The following ATAD1 variants were observed in gnomAD, a reference collection of about 807,000 sequenced individuals.
The protein encoded by ATAD1 is ATPase family AAA domain containing 1.
ATAD1 carries 18 observed loss-of-function variants against 42.7 expected under a neutral mutation model. The observed-to-expected ratio is 0.42, with a 90% CI of 0.29 to 0.63. The LOEUF (loss-of-function observed/expected upper bound fraction) is 0.63. ATAD1 is among the 20% of genes least tolerant of loss of function. The pLI is 0.19. For synonymous variants in ATAD1, 132 were observed against 143.1 expected, an observed-to-expected ratio of 0.92 and a Z score of 0.55; for missense variants, 294 against 440.4, an observed-to-expected ratio of 0.67 and a Z score of 2.98.
chr10:87,817,964 A>T (rs558299249), intron 1 of ATAD1: 2 of 985,586 alleles, frequency 2.0e-6, no homozygotes, highest in Non-Finnish European at 2.4e-6. Flanking sequence ...CCGGACGCCA[A>T]GGCGAGGCCC....
chr10:87,759,394 G>C (rs1196088602), intron 8 of ATAD1, among the ~76,000 whole-genome samples: 1 of 151,942 alleles, frequency 6.6e-6, no homozygotes, highest in Non-Finnish European at 1.5e-5. Context: ...TATTAAAATT[G>C]CCTGTTAAAT....
intron 2 of ATAD1, among the ~76,000 whole-genome samples, chr10:87,810,177 T>A (rs763143565): frequency 2.0e-5 from 3 of 152,160 alleles, no homozygotes; most frequent in Non-Finnish European, 4.4e-5. Context: ...GGAGTCATTT[T>A]AAAATATTTC....
intron 1 of ATAD1, among the ~76,000 whole-genome samples, chr10:87,824,883 T>G (rs925777219): frequency 1.2e-4 from 19 of 152,236 alleles, no homozygotes; most frequent in African/African-American, 3.9e-4. Flanking sequence ...AAAACATTTA[T>G]GATAGTTATA....
intron 2 of ATAD1, among the ~76,000 whole-genome samples, chr10:87,810,057 A>C (rs1857111665): frequency 6.6e-6 from 1 of 152,148 alleles, no homozygotes; most frequent in South Asian, 2.1e-4. Flanking sequence ...CTTTTCAAAA[A>C]AACAATTTTG....
intron 8 of ATAD1, chr10:87,759,683 A>C (rs2131763745): frequency 4.7e-6 from 2 of 422,304 alleles, no homozygotes; most frequent in Non-Finnish European, 9.4e-6. Flanking sequence ...AGCAAGATTT[A>C]ATTAAGAGGT....
intron 7 of ATAD1, among the ~76,000 whole-genome samples, chr10:87,768,855 A>C (rs909929273): frequency 2.6e-5 from 4 of 152,124 alleles, no homozygotes; most frequent in African/African-American, 9.7e-5. Flanking sequence ...AGGCAAAGGT[A>C]GGAGGGTCCC....
chr10:87,828,001 A>G (rs571527457), intron 1 of ATAD1, among the ~76,000 whole-genome samples: 2 of 152,270 alleles, frequency 1.3e-5, no homozygotes, highest in East Asian at 3.9e-4. Flanking sequence ...TCTGTTGCCC[A>G]GGCTTGAGGG....
intron 2 of ATAD1, among the ~76,000 whole-genome samples, chr10:87,800,900 C>T (rs1400458918): frequency 6.6e-6 from 1 of 152,120 alleles, no homozygotes; most frequent in Non-Finnish European, 1.5e-5. Context: ...TTGGAAGGCC[C>T]AATTTTGAGA....
chr10:87,834,200 T>G (rs551529701), intron 1 of ATAD1, among the ~76,000 whole-genome samples: 5 of 152,314 alleles, frequency 3.3e-5, no homozygotes, highest in South Asian at 4.1e-4. Context: ...TTGTTAATAT[T>G]TTGTTGAAGA....
At position 87,814,522 on chromosome 10, in the gene ATAD1, A is replaced by G. The variant is rs780106325; in HGVS notation, c.78T>C (p.Phe26=). 19 of 1,612,224 alleles carry G rather than the reference A, an allele frequency of 1.2e-5. No individual in the cohort carries two copies. Among genetic ancestry groups the G allele is most frequent in the Non-Finnish European group, 1.5e-5 (18 of 1,179,186 alleles). Residue 26 remains phenylalanine, a synonymous_variant, in exon 2 of 10, where the codon TTT becomes TTC. Transcript: ENST00000680024. ...TGATAGTAAAGTATGTCACTGCACCAAATATTGTCAAACGGAAAATTAAAC... is the reference window on the plus strand; with the variant it reads ...TGATAGTAAAGTATGTCACTGCACCGAATATTGTCAAACGGAAAATTAAAC... ...VVGLIFRLTI[F]GAVTYFTIKW... is the part of the protein sequence containing the mutation.
chr10:87,776,226 A>C, intron 6 of ATAD1, 95 bp downstream of exon 6: 3 of 856,544 alleles, frequency 3.5e-6, no homozygotes, highest in Non-Finnish European at 5.6e-6. Flanking sequence ...ATTATGAAAA[A>C]AAAGTTTGTA....
intron 4 of ATAD1, among the ~76,000 whole-genome samples, chr10:87,788,552 A>C (rs1729613758): frequency 6.6e-6 from 1 of 152,254 alleles, no homozygotes; most frequent in African/African-American, 2.4e-5. Flanking sequence ...AATAAGAAGC[A>C]AATTTACATA....
intron 5 of ATAD1, among the ~76,000 whole-genome samples, chr10:87,777,623 C>T (rs923623530): frequency 6.6e-6 from 1 of 151,534 alleles, no homozygotes; most frequent in Non-Finnish European, 1.5e-5. Context: ...AAAAATAAAT[C>T]TAGGATTTTC....
At position 87,756,914 on chromosome 10, in the gene ATAD1, C is replaced by T. The variant is rs749522846; in HGVS notation, c.840G>A (p.Arg280=). The change falls in exon 9 of 10, where the codon AGG becomes AGA. Residue 280 remains arginine, a synonymous_variant. Coordinates refer to ENST00000680024, the MANE Select transcript of ATAD1 (RefSeq NM_001321967.2). ...KLILKNENVD[R]HVDLLEVAQE... The stretch of plus-strand genomic sequence containing the variant: ...GGGCAACTTCTAGCAGGTCTACATG[C>T]CTATCCACCTTAAACAAATATAAAA... The T allele has an allele frequency of 5.0e-6, 8 of 1,593,068 alleles. No individual in the cohort carries two copies. Among genetic ancestry groups the T allele is most frequent in the Non-Finnish European group, 6.8e-6 (8 of 1,173,532 alleles).
At chr10:87,805,874 T>C (rs1350432436) in intron 2 of ATAD1, among the ~76,000 whole-genome samples, 1 of 152,048 alleles carries the variant, frequency 6.6e-6, no homozygotes, top group Non-Finnish European at 1.5e-5. Flanking sequence ...CCAAGCTTAA[T>C]TTCACTAAAT....
At chr10:87,769,447 G>A (rs901917433) in intron 7 of ATAD1, among the ~76,000 whole-genome samples, 1 of 152,178 alleles carries the variant, frequency 6.6e-6, no homozygotes, top group Admixed American at 6.5e-5. Context: ...GCTGGATTCT[G>A]TAAATTCCAT....
chr10:87,788,354 G>C (rs573473850), intron 4 of ATAD1, among the ~76,000 whole-genome samples: 1 of 152,306 alleles, frequency 6.6e-6, no homozygotes, highest in Non-Finnish European at 1.5e-5. Context: ...GGATGCATCT[G>C]ATTTTACACT....
rs1241298080 is a variant in ATAD1 at position 87,784,650 on chromosome 10, G to C, written c.403C>G (p.Pro135Ala). 6.2e-7 allele frequency: 1 copy of C among 1,612,792 alleles called. No homozygotes were observed. The highest frequency in any genetic ancestry group is 1.7e-5 in the Admixed American group (1 of 60,000). ...GCAATCAACGTTTTACCACAGCCTGGAGGCCCATAGAGAAGAACACCTGGA... is the reference window on the plus strand; with the variant it reads ...GCAATCAACGTTTTACCACAGCCTGCAGGCCCATAGAGAAGAACACCTGGA... ...PPKGVLLYGP[P>A]GCGKTLIAKA... is the part of the protein sequence containing the mutation. Residue 135 changes from proline to alanine, a missense_variant, in exon 5 of 10, where the codon CCA becomes GCA. Around this residue, in one of 3 missense-constraint regions of ATAD1, gnomAD observed 121 missense variants for 187.3 expected, o/e 0.65. Coordinates refer to ENST00000680024, the MANE Select transcript of ATAD1 (RefSeq NM_001321967.2).
intron 2 of ATAD1, among the ~76,000 whole-genome samples, chr10:87,810,955 AT>A (rs1325651456): frequency 2.0e-5 from 3 of 152,202 alleles, no homozygotes; most frequent in African/African-American, 7.2e-5. Flanking sequence ...AAGGCTGGCA[AT>A]CAAGCTCACC....
Sources: allele counts gnomAD v4.1 joint callset (sites outside exome capture counted in the v4.1 genomes callset), GRCh38; gene constraint gnomAD v4.1.1; regional missense constraint gnomAD v4.1.1; transcripts MANE v1.5; gene names NCBI Gene and HGNC (gene_info 2026-07-23, HGNC 2026-07-21).